NDST4: variants seen among roughly 807,000 people sequenced by gnomAD.
NDST4 encodes the protein N-heparan sulfate sulfotransferase 4.
In NDST4, 63 loss-of-function variants were observed where a neutral mutation model predicts 100.8. The ratio of observed to expected loss-of-function variants is 0.62; its 90% CI spans 0.51 to 0.77. NDST4 has a LOEUF of 0.77. NDST4 is among the 30% of genes least tolerant of loss of function. The pLI is 0.00. For missense variants in NDST4, 943 were observed against 1,018.4 expected (o/e 0.93, Z 1.01); for synonymous variants, 377 against 361.8 (o/e 1.04, Z -0.48).
chr4:114,859,831 T>G (rs1190984340), intron 7 of NDST4, among the ~76,000 whole-genome samples: 1 of 152,220 alleles, frequency 6.6e-6, no homozygotes, highest in Non-Finnish European at 1.5e-5. Flanking sequence ...TTTTCCCGTC[T>G]TTTCAGTTTC....
At chr4:114,861,798 T>C (rs1434715025) in intron 7 of NDST4, among the ~76,000 whole-genome samples, 1 of 152,062 alleles carries the variant, frequency 6.6e-6, no homozygotes, top group Non-Finnish European at 1.5e-5. Context: ...ATAAAGCCAA[T>C]AGTTTCAGCA....
intron 6 of NDST4, among the ~76,000 whole-genome samples, chr4:114,919,932 A>T (rs1725254452): frequency 1.3e-5 from 2 of 152,088 alleles, no homozygotes; most frequent in South Asian, 4.2e-4. Context: ...ATATAATAGA[A>T]CCTACTATAG....
intron 6 of NDST4, among the ~76,000 whole-genome samples, chr4:114,934,032 C>G (rs1725571507): frequency 6.6e-6 from 1 of 152,132 alleles, no homozygotes; most frequent in Admixed American, 6.5e-5. Context: ...CAAGACATAC[C>G]TGCATTCTCA....
chr4:114,836,195 T>C (rs1723301966), intron 11 of NDST4, among the ~76,000 whole-genome samples: 1 of 152,226 alleles, frequency 6.6e-6, no homozygotes, highest in Non-Finnish European at 1.5e-5. Flanking sequence ...TAATACAATT[T>C]CTTCATAGTG....
At chr4:115,096,808 T>C (rs1179957061) in intron 1 of NDST4, among the ~76,000 whole-genome samples, 2 of 152,160 alleles carry the variant, frequency 1.3e-5, no homozygotes, top group Admixed American at 6.6e-5. Flanking sequence ...CAAAACTGTT[T>C]GAAATGCTAA....
In NDST4 at chr4:115,108,106, C is replaced by T. The variant is rs77477811; in HGVS notation, c.-247+5338G>A. The stretch of plus-strand genomic sequence containing the variant: ...ATTAGTGAAAGATTGATTGAGAAAC[C>T]AAATTTAAATTCTGATTCTAATTAT... On this transcript the variant is annotated intron_variant, in intron 1 of 13. Transcript: ENST00000264363. 3.5e-3 allele frequency among the ~76,000 whole-genome samples: 536 copies of T among 152,062 alleles called. 2 individuals are homozygous for T. The highest frequency in any genetic ancestry group is 0.012 in the African/African-American group (510 of 41,502).
chr4:114,833,644 C>A lies in NDST4; in HGVS notation c.2358G>T (p.Leu786=). The A allele has an allele frequency of 6.2e-7, 1 of 1,613,178 alleles. No homozygotes were observed. The highest frequency in any genetic ancestry group is 1.7e-5 in the Admixed American group (1 of 59,876). Residue 786 remains leucine (L), a synonymous_variant, in exon 12 of 14, where the codon CTG becomes CTT. Coordinates refer to ENST00000264363, the MANE Select transcript of NDST4 (RefSeq NM_022569.3). ...AGTAATTATAACGAGGTGTAACTCC[C>A]AGAAACTTCTGGACTTCATCCATCA... The part of the protein sequence containing the change: ...ATVMDEVQKF[L]GVTPRYNYSE...
intron 3 of NDST4, among the ~76,000 whole-genome samples, chr4:114,974,694 C>A (rs1726590705): frequency 6.6e-6 from 1 of 152,090 alleles, no homozygotes; most frequent in African/African-American, 2.4e-5. Flanking sequence ...TACGTCCTTC[C>A]TCTTTCAGTT....
intron 4 of NDST4, among the ~76,000 whole-genome samples, chr4:114,965,171 G>A (rs1560833960): frequency 1.3e-5 from 2 of 151,822 alleles, no homozygotes; most frequent in Non-Finnish European, 2.9e-5. Context: ...GTTATTATCA[G>A]TTTTTTTCTG....
At chr4:115,104,792 C>T (rs1016064087) in intron 1 of NDST4, among the ~76,000 whole-genome samples, 7 of 151,978 alleles carry the variant, frequency 4.6e-5, no homozygotes, top group Non-Finnish European at 8.8e-5. Flanking sequence ...TCATTATCTC[C>T]AAGTGAGAAA....
intron 6 of NDST4, among the ~76,000 whole-genome samples, chr4:114,901,702 T>C (rs538986078): frequency 6.6e-6 from 1 of 152,108 alleles, no homozygotes; most frequent in South Asian, 2.1e-4. Flanking sequence ...TTTCTTTGTT[T>C]CTATTTTTGT....
chr4:114,891,014 G>A (rs1429872390), intron 6 of NDST4, among the ~76,000 whole-genome samples: 1 of 151,922 alleles, frequency 6.6e-6, no homozygotes, highest in Non-Finnish European at 1.5e-5. Context: ...CCTCTACACC[G>A]AAACACCCTC....
At chr4:115,088,637 C>A (rs1475287975) in intron 1 of NDST4, among the ~76,000 whole-genome samples, 2 of 151,848 alleles carry the variant, frequency 1.3e-5, no homozygotes, top group Admixed American at 6.6e-5. Flanking sequence ...GTCACTCTCA[C>A]CCCCACTCCC....
At chr4:115,045,289 G>A (rs188321222) in intron 2 of NDST4, among the ~76,000 whole-genome samples, 1 of 152,202 alleles carries the variant, frequency 6.6e-6, no homozygotes, top group East Asian at 1.9e-4. Context: ...TCTTTATATA[G>A]GTTTTAAGTT....
At chr4:115,034,806 AT>A (rs1373273877) in intron 2 of NDST4, among the ~76,000 whole-genome samples, 2 of 152,084 alleles carry the variant, frequency 1.3e-5, no homozygotes, top group Admixed American at 1.3e-4. Context: ...AATAAAGATT[AT>A]TTCTTTAAGA....
chr4:115,069,654 G>A (rs1485883873), intron 2 of NDST4, among the ~76,000 whole-genome samples: 4 of 152,134 alleles, frequency 2.6e-5, no homozygotes, highest in African/African-American at 9.7e-5. Flanking sequence ...CCAGTACTTT[G>A]GGAGGCTGAG....
chr4:115,075,107 A>G (rs1285891775), intron 2 of NDST4, among the ~76,000 whole-genome samples: 1 of 152,152 alleles, frequency 6.6e-6, no homozygotes, highest in Non-Finnish European at 1.5e-5. Context: ...CAAAACCTAG[A>G]AGTGCTACCA....
chr4:115,022,492 CAT>C (rs1169736160), intron 2 of NDST4, among the ~76,000 whole-genome samples: 12 of 76,726 alleles, frequency 1.6e-4, no homozygotes, highest in African/African-American at 4.2e-4. Flanking sequence ...ATATATGTTC[CAT>C]ATATATATAT....
At chr4:114,931,842 T>A (rs1251984521) in intron 6 of NDST4, among the ~76,000 whole-genome samples, 1 of 151,728 alleles carries the variant, frequency 6.6e-6, no homozygotes, top group East Asian at 1.9e-4. Context: ...GAGAATGAAT[T>A]GTAATTAAAG....
Sources: gnomAD v4.1 joint callset for allele counts (sites outside exome capture counted in the v4.1 genomes callset) on GRCh38, gnomAD v4.1.1 for gene constraint, MANE v1.5 for transcripts, NCBI Gene and HGNC (gene_info 2026-07-23, HGNC 2026-07-21) for gene names.